ZHX3: variants seen among roughly 807,000 people sequenced by gnomAD.
The protein encoded by ZHX3 is zinc fingers and homeoboxes protein 3.
Under a neutral mutation model 64.5 loss-of-function variants are expected in ZHX3, and 20 were observed. The ratio of observed to expected loss-of-function variants is 0.31; its 90% CI spans 0.22 to 0.45. The LOEUF is 0.45. ZHX3 is among the 20% of genes least tolerant of loss of function. ZHX3 has a pLI of 1.00. For missense variants in ZHX3, 1,041 were observed against 1,195.8 expected (o/e 0.87, Z 1.91); for synonymous variants, 423 against 461.6 (o/e 0.92, Z 1.07).
At position 41,200,720 on chromosome 20, in the gene ZHX3, G is replaced by C. The variant is rs1259086039; in HGVS notation, c.2860+1337C>G. Among the ~76,000 whole-genome samples the C allele has an allele frequency of 6.6e-6, 1 of 152,190 alleles. No homozygotes were observed. The highest frequency in any genetic ancestry group is 1.5e-5 in the Non-Finnish European group (1 of 68,042). On this transcript the variant is annotated intron_variant, in intron 3 of 3. Transcript: ENST00000683867. The surrounding 1 kb of genome is among the most constrained non-coding windows in gnomAD (Gnocchi z 4.2). ...CTTTGTGGAACTGGATTTTGCCTTA[G>C]TATGTTAATATGAGAAGAACAGGCT...
At chr20:41,265,990 A>G (rs1485890626) in intron 2 of ZHX3, among the ~76,000 whole-genome samples, 3 of 152,174 alleles carry the variant, frequency 2.0e-5, no homozygotes, top group African/African-American at 7.2e-5. Flanking sequence ...CAATGGTAGC[A>G]ATAGATAATT....
chr20:41,297,850 T>G (rs2044613102), intron 1 of ZHX3, among the ~76,000 whole-genome samples: 1 of 152,226 alleles, frequency 6.6e-6, no homozygotes, highest in Admixed American at 6.5e-5. Context: ...CACCCCTCAG[T>G]TGAGTCCTAG....
intron 2 of ZHX3, chr20:41,254,462 A>T (rs1437555289): frequency 6.6e-6 from 1 of 152,210 alleles, no homozygotes; most frequent in East Asian, 1.9e-4. Context: ...GCTAGCTGTT[A>T]TTATGTCATT....
At chr20:41,253,952 A>C (rs1230561648) in intron 2 of ZHX3, among the ~76,000 whole-genome samples, 2 of 151,680 alleles carry the variant, frequency 1.3e-5, no homozygotes, top group Non-Finnish European at 3.0e-5. Flanking sequence ...AAATGTTGGA[A>C]AAAAATTCCT....
rs1213328735 is a variant in ZHX3 at position 41,259,490 on chromosome 20, C to G, written c.-151+9500G>C. 4.6e-5 allele frequency among the ~76,000 whole-genome samples: 7 copies of G among 152,126 alleles called. No homozygotes were observed. In the East Asian group the frequency reaches 1.3e-3, roughly 29 times the overall value. The stretch of plus-strand genomic sequence containing the variant: ...AATTTAAACATCCACCAACAGGGAA[C>G]TGGCTAAATTATGATGACTCCACAC... On this transcript the variant is annotated intron_variant, in intron 2 of 3. Transcript: ENST00000683867.
At chr20:41,287,422 C>A (rs1224389510) in intron 1 of ZHX3, among the ~76,000 whole-genome samples, 1 of 152,192 alleles carries the variant, frequency 6.6e-6, no homozygotes, top group African/African-American at 2.4e-5. Flanking sequence ...CTAATGATCT[C>A]TGCGTCCTGG....
intron 2 of ZHX3, among the ~76,000 whole-genome samples, chr20:41,253,893 A>G (rs915374139): frequency 6.6e-6 from 1 of 151,616 alleles, no homozygotes; most frequent in Non-Finnish European, 1.5e-5. Flanking sequence ...ATGGTTGTTC[A>G]TGGTAATAAT....
At chr20:41,246,935 T>C (rs897141761) in intron 2 of ZHX3, among the ~76,000 whole-genome samples, 1 of 151,054 alleles carries the variant, frequency 6.6e-6, no homozygotes, top group Non-Finnish European at 1.5e-5. Context: ...ATATTAGCAG[T>C]ACTATGATTT....
chr20:41,278,967 C>T (rs1295902363), intron 1 of ZHX3, among the ~76,000 whole-genome samples: 2 of 152,260 alleles, frequency 1.3e-5, no homozygotes, highest in East Asian at 3.9e-4. Flanking sequence ...TAGAGACAGA[C>T]AGGGTTTCAC....
At chr20:41,196,772 C>G (rs2037739274) in intron 3 of ZHX3, 2 of 170,832 alleles carry the variant, frequency 1.2e-5, no homozygotes, top group Admixed American at 5.9e-5. Flanking sequence ...TGAAAGGCAT[C>G]CACACAGCCA....
chr20:41,303,593 C>A (rs1335097675), intron 1 of ZHX3, among the ~76,000 whole-genome samples: 5 of 152,128 alleles, frequency 3.3e-5, no homozygotes, highest in Non-Finnish European at 7.3e-5. Flanking sequence ...TCTCTGTATC[C>A]CCAAATAGCC....
chr20:41,260,180 G>GGA (rs1555853863), intron 2 of ZHX3, among the ~76,000 whole-genome samples: 33 of 103,376 alleles, frequency 3.2e-4, no homozygotes, highest in Non-Finnish European at 5.7e-4. Context: ...AGCCAAATGT[G>GGA]AAAAAAAAAA....
At chr20:41,303,132 T>G (rs1416580941) in intron 1 of ZHX3, among the ~76,000 whole-genome samples, 10 of 152,204 alleles carry the variant, frequency 6.6e-5, no homozygotes, top group Admixed American at 5.2e-4. Flanking sequence ...CTTAGTGAAG[T>G]TAAGGTATGT....
intron 1 of ZHX3, among the ~76,000 whole-genome samples, chr20:41,281,073 C>T (rs746238171): frequency 1.3e-5 from 2 of 152,026 alleles, no homozygotes; most frequent in Non-Finnish European, 2.9e-5. Context: ...AAGTTGAAAT[C>T]TAGGAACATG....
Position 41,201,861 on chromosome 20 carries a change from G to A in ZHX3, c.2860+196C>T, listed in dbSNP as rs562952812. 4.7e-4 allele frequency among the ~76,000 whole-genome samples: 72 copies of A among 152,298 alleles called. 1 individual carries two copies. The highest frequency in any genetic ancestry group is 1.7e-3 in the African/African-American group (72 of 41,556). On this transcript the variant is annotated intron_variant, in intron 3 of 3. Transcript: ENST00000683867. This position sits in a 1 kb window ranked among gnomAD's most constrained non-coding sequence, Gnocchi z 5.0. ...TTAAAAACACATGAAACAAAAAACA[G>A]CTCTCAACCGTTTATCATATTATAT... is the stretch of plus-strand genomic sequence containing the variant.
chr20:41,191,553 G>C (rs1177689482), intron 3 of ZHX3, among the ~76,000 whole-genome samples: 1 of 152,032 alleles, frequency 6.6e-6, no homozygotes, highest in Non-Finnish European at 1.5e-5. Flanking sequence ...TTCCTTCTGA[G>C]GTGTCATATT....
intron 1 of ZHX3, among the ~76,000 whole-genome samples, chr20:41,277,256 G>A (rs996681154): frequency 2.6e-5 from 4 of 152,168 alleles, no homozygotes; most frequent in African/African-American, 9.7e-5. Context: ...TAGAGCCCAG[G>A]AGTTCAAGGT....
At chr20:41,262,194 C>T (rs1185033077) in intron 2 of ZHX3, among the ~76,000 whole-genome samples, 1 of 152,230 alleles carries the variant, frequency 6.6e-6, no homozygotes, top group Non-Finnish European at 1.5e-5. Context: ...AGCTGCTTAA[C>T]TGATTTCCCT....
chr20:41,237,371 C>T (rs1323094744), intron 2 of ZHX3, among the ~76,000 whole-genome samples: 1 of 152,124 alleles, frequency 6.6e-6, no homozygotes, highest in African/African-American at 2.4e-5. Context: ...CCCAAATGTC[C>T]AACAAAGATA....
Sources: allele counts gnomAD v4.1 joint callset (sites outside exome capture counted in the v4.1 genomes callset), GRCh38; gene constraint gnomAD v4.1.1; non-coding constraint Gnocchi (gnomAD v3.1); transcripts MANE v1.5; gene names NCBI Gene and HGNC (gene_info 2026-07-23, HGNC 2026-07-21).